The following SPATS2 variants were observed in gnomAD, a reference collection of about 807,000 sequenced individuals.
SPATS2 encodes spermatogenesis associated serine rich 2.
Under a neutral mutation model 63.7 loss-of-function variants are expected in SPATS2, and 38 were observed. That is an observed-to-expected ratio of 0.60 (90% CI 0.46 to 0.78). SPATS2 has a LOEUF of 0.78. Among genes scored for constraint, SPATS2 ranks in the 30% least tolerant of loss-of-function variants. The probability of loss-of-function intolerance (pLI) is 0.00; values close to 1 mark genes in which losing one functional copy is unlikely to be tolerated. For missense variants in SPATS2, 588 were observed against 666.2 expected, an observed-to-expected ratio of 0.88 and a Z score of 1.29; for synonymous variants, 207 against 232.9, an observed-to-expected ratio of 0.89 and a Z score of 1.01.
At chr12:49,374,065 AACAGAG>A (rs546262091) in intron 2 of SPATS2, among the ~76,000 whole-genome samples, 1 of 152,122 alleles carries the variant, frequency 6.6e-6, no homozygotes, top group South Asian at 2.1e-4. Context: ...CAACCTAAAC[AACAGAG>A]ACCCTGTCTC....
chr12:49,368,085 G>A (rs1054869993), intron 1 of SPATS2, among the ~76,000 whole-genome samples: 3 of 152,168 alleles, frequency 2.0e-5, no homozygotes, highest in Non-Finnish European at 4.4e-5. Flanking sequence ...GGAAAATCAG[G>A]CGAACAGACG....
intron 2 of SPATS2, among the ~76,000 whole-genome samples, chr12:49,446,038 G>A (rs1468680497): frequency 6.6e-6 from 1 of 151,940 alleles, no homozygotes; most frequent in African/African-American, 2.4e-5. Context: ...TGAGTAGGTG[G>A]GACTACAGGC....
At chr12:49,495,999 T>A (rs1946457375) in intron 7 of SPATS2, among the ~76,000 whole-genome samples, 1 of 152,204 alleles carries the variant, frequency 6.6e-6, no homozygotes, top group Non-Finnish European at 1.5e-5. Context: ...ACTGGAAATT[T>A]CTCTTTTAAA....
intron 3 of SPATS2, chr12:49,462,339 T>C (rs1484563558): frequency 1.4e-6 from 1 of 702,382 alleles, no homozygotes; most frequent in South Asian, 1.5e-5. Context: ...GGCTGGCTGC[T>C]TCAGTACCAG....
chr12:49,461,733 G>T (rs919743115), intron 3 of SPATS2, among the ~76,000 whole-genome samples: 1 of 152,072 alleles, frequency 6.6e-6, no homozygotes, highest in Non-Finnish European at 1.5e-5. Context: ...ATAGATCCAG[G>T]TCTCACATGT....
rs760281633 is a variant in SPATS2 at position 49,418,108 on chromosome 12, G to GTTTTTTTTT, written c.-243-42646_-243-42638dup. Among the ~76,000 whole-genome samples the GTTTTTTTTT allele has an allele frequency of 7.9e-4, 60 of 76,046 alleles. 3 individuals are homozygous for GTTTTTTTTT. Among genetic ancestry groups the GTTTTTTTTT allele is most frequent in the African/African-American group, 2.3e-3 (35 of 15,298 alleles). The allele number at this position is 76,046 out of a possible 152,430, so 49.9% of individuals were successfully genotyped here. A position where few individuals can be genotyped will look rare whatever the true frequency, so the allele number is the denominator to read the frequency against. ...TGTAGCTTTCATTTTAAATGACTCA[G>GTTTTTTTTT]TTTTTTTTTTTTTTTTTTTTTTTTG... On this transcript the variant is annotated intron_variant, in intron 2 of 13. Coordinates refer to ENST00000552918, the MANE Select transcript of SPATS2 (RefSeq NM_023071.4).
At chr12:49,406,942 C>T (rs1944708242) in intron 2 of SPATS2, among the ~76,000 whole-genome samples, 1 of 152,174 alleles carries the variant, frequency 6.6e-6, no homozygotes. Flanking sequence ...TCCCACTGGC[C>T]ACTTAACATC....
intron 2 of SPATS2, among the ~76,000 whole-genome samples, chr12:49,459,738 C>T (rs1408884174): frequency 1.5e-4 from 10 of 66,342 alleles, no homozygotes; most frequent in Non-Finnish European, 2.8e-4. Flanking sequence ...TCTCATTTCA[C>T]GTCCCCCCCC....
At chr12:49,425,782 A>AC (rs888484430) in intron 2 of SPATS2, among the ~76,000 whole-genome samples, 3 of 151,994 alleles carry the variant, frequency 2.0e-5, no homozygotes, top group African/African-American at 7.3e-5. Context: ...GGCGCATGCC[A>AC]CCATACCCAG....
rs574588671 is a variant in SPATS2, at chr12:49,429,981, A to G, written c.-243-30789A>G. 5.7e-4 allele frequency among the ~76,000 whole-genome samples: 85 copies of G among 149,028 alleles called. No homozygotes were observed. The South Asian group carries it at 0.018, about 31-fold the overall frequency. On this transcript the variant is annotated intron_variant, in intron 2 of 13. Coordinates refer to ENST00000552918, the MANE Select transcript of SPATS2 (RefSeq NM_023071.4). ...TTTTTAGTAGAGACAGGGTTTCACC[A>G]TGTTGGCCAGGCTGGTCTTGAACTC...
intron 2 of SPATS2, among the ~76,000 whole-genome samples, chr12:49,420,716 A>G (rs563658191): frequency 2.0e-5 from 3 of 152,204 alleles, no homozygotes; most frequent in Admixed American, 6.5e-5. Context: ...ACATAGGATC[A>G]AGAATGCTTA....
At chr12:49,447,082 C>G (rs1320484815) in intron 2 of SPATS2, among the ~76,000 whole-genome samples, 1 of 151,632 alleles carries the variant, frequency 6.6e-6, no homozygotes, top group Admixed American at 6.6e-5. Context: ...GTGCCTGCCA[C>G]CATGCCCGGC....
chr12:49,462,147 G>A (rs1945831711), intron 3 of SPATS2: 4 of 593,682 alleles, frequency 6.7e-6, no homozygotes, highest in Non-Finnish European at 1.2e-5. Context: ...AAACTAGAGA[G>A]TCTTTATTTC....
intron 11 of SPATS2, among the ~76,000 whole-genome samples, chr12:49,522,423 A>G (rs1350438324): frequency 6.6e-6 from 1 of 152,240 alleles, no homozygotes; most frequent in Non-Finnish European, 1.5e-5. Context: ...TATAAAATGG[A>G]AAGACATGGA....
upstream of SPATS2, chr12:49,367,420 G>GGGCGGCGT: frequency 2.5e-6 from 1 of 398,606 alleles, no homozygotes; most frequent in Non-Finnish European, 4.4e-6. Flanking sequence ...GGTGGGGGCG[G>GGGCGGCGT]GGCGGCGTCC....
intron 9 of SPATS2, among the ~76,000 whole-genome samples, chr12:49,505,995 C>G (rs1461348571): frequency 6.6e-6 from 1 of 150,452 alleles, no homozygotes; most frequent in African/African-American, 2.5e-5. Context: ...AGAAAGCATA[C>G]TTTGTATACC....
intron 1 of SPATS2, among the ~76,000 whole-genome samples, chr12:49,370,085 G>A (rs6580707): frequency 0.29 from 44,185 of 152,040 alleles, 8,767 homozygotes; most frequent in African/African-American, 0.57. Flanking sequence ...GGGAATTTTC[G>A]TTTGTTGAGC....
intron 3 of SPATS2, among the ~76,000 whole-genome samples, chr12:49,464,158 A>G (rs753794835): frequency 6.6e-6 from 1 of 152,172 alleles, no homozygotes; most frequent in Non-Finnish European, 1.5e-5. Context: ...GTATAATTTG[A>G]TTATTTTTAG....
chr12:49,375,021 A>G (rs1944070374), intron 2 of SPATS2, among the ~76,000 whole-genome samples: 1 of 149,868 alleles, frequency 6.7e-6, no homozygotes, highest in African/African-American at 2.5e-5. Flanking sequence ...GGGATCTCCA[A>G]GGGTTACACA....
Sources: gnomAD v4.1 joint callset for allele counts (sites outside exome capture counted in the v4.1 genomes callset) on GRCh38, gnomAD v4.1.1 for gene constraint, MANE v1.5 for transcripts, NCBI Gene and HGNC (gene_info 2026-07-23, HGNC 2026-07-21) for gene names.